Variants in CDYL observed in about 807,000 individuals in gnomAD.
The protein encoded by CDYL is chromodomain Y-like protein.
Under a neutral mutation model 47.3 loss-of-function variants are expected in CDYL, and 8 were observed. The ratio of observed to expected loss-of-function variants is 0.17; its 90% CI spans 0.10 to 0.31. The LOEUF (loss-of-function observed/expected upper bound fraction) is 0.31. CDYL is among the 10% of genes least tolerant of loss of function. The pLI is 1.00. For missense variants in CDYL, 471 were observed against 701.4 expected, an observed-to-expected ratio of 0.67 and a Z score of 3.71; for synonymous variants, 266 against 265.0, an observed-to-expected ratio of 1.00 and a Z score of -0.04.
At chr6:4,885,966 A>G (rs574833936) in intron 1 of CDYL, among the ~76,000 whole-genome samples, 1 of 152,196 alleles carries the variant, frequency 6.6e-6, no homozygotes, top group Admixed American at 6.5e-5. Flanking sequence ...TGTCTCTATA[A>G]AATGGCCCAT....
chr6:4,808,395 C>G (rs1450881970), intron 1 of CDYL, among the ~76,000 whole-genome samples: 2 of 152,184 alleles, frequency 1.3e-5, no homozygotes, highest in Non-Finnish European at 2.9e-5. Context: ...TAATTGTTAA[C>G]TCCTTTCTCC....
At chr6:4,758,030 A>AATTAAAATTTTATTAAATTTT (rs1758102770) in intron 3 of CDYL, among the ~76,000 whole-genome samples, 1 of 152,032 alleles carries the variant, frequency 6.6e-6, no homozygotes, top group Non-Finnish European at 1.5e-5. Flanking sequence ...TTTCAAACAA[A>AATTAAAATTTTATTAAATTTT]ATTAACTTTT....
intron 1 of CDYL, among the ~76,000 whole-genome samples, chr6:4,859,335 G>A (rs771652558): frequency 2.0e-5 from 3 of 151,910 alleles, no homozygotes; most frequent in Non-Finnish European, 2.9e-5. Context: ...TGGTCATTGC[G>A]GATTACTTGC....
intron 2 of CDYL, among the ~76,000 whole-genome samples, chr6:4,722,112 CA>C (rs1464489812): frequency 6.6e-6 from 1 of 152,046 alleles, no homozygotes; most frequent in African/African-American, 2.4e-5. Context: ...CTCAGCCTCC[CA>C]AAGTGTTGGG....
intron 3 of CDYL, among the ~76,000 whole-genome samples, chr6:4,757,222 CATT>C (rs1324465180): frequency 6.6e-6 from 1 of 152,148 alleles, no homozygotes; most frequent in Non-Finnish European, 1.5e-5. Context: ...ATGAGAAAAA[CATT>C]ATTATAATGA....
In CDYL at chr6:4,892,344, C is replaced by T. The variant is rs1209217749; in HGVS notation, c.656C>T (p.Ala219Val). Residue 219 changes from alanine to valine, a missense_variant, in exon 2 of 7, where the codon GCA (alanine) becomes GTA (valine). Physicochemically the swap from Ala to Val is moderately conservative, Grantham distance 64. Coordinates refer to ENST00000397588, the MANE Select transcript of CDYL (RefSeq NM_004824.4). ...LVPQVPGPVTAAMATGLAVNG... is the reference protein window; with the variant it reads ...LVPQVPGPVTVAMATGLAVNG... ...CCTCAGGTGCCCGGCCCTGTGACTGCAGCCATGGCCACAGGCTTAGCTGTT... is the reference window on the plus strand; with the variant it reads ...CCTCAGGTGCCCGGCCCTGTGACTGTAGCCATGGCCACAGGCTTAGCTGTT... The T allele has an allele frequency of 1.2e-6, 2 of 1,613,240 alleles. No homozygotes were observed. Among genetic ancestry groups the T allele is most frequent in the South Asian group, 1.1e-5 (1 of 90,972 alleles).
chr6:4,778,966 C>G (rs1007123659), intron 1 of CDYL, among the ~76,000 whole-genome samples: 3 of 152,100 alleles, frequency 2.0e-5, no homozygotes, highest in Non-Finnish European at 2.9e-5. Flanking sequence ...TCAGTGTTTC[C>G]CTTATAGAGC....
In CDYL at chr6:4,952,409, T is replaced by A. The variant is rs1399389345; in HGVS notation, c.1476T>A (p.Val492=). 2 of 1,610,258 alleles carry A rather than the reference T, an allele frequency of 1.2e-6. No homozygotes were observed. Among genetic ancestry groups the A allele is most frequent in the African/African-American group, 2.7e-5 (2 of 74,726 alleles). Residue 492 remains valine (V), a splice_region_variant and synonymous_variant, in exon 6 of 7, where the codon GTT becomes GTA. Transcript: ENST00000397588. The part of the protein sequence containing the change: ...RIKELASCNP[V]VLEESKALVR... ...AGGAGCTTGCCTCGTGCAATCCAGT[T>A]GTATGTCTAATTGCTTCTGTTACAC...
At chr6:4,947,017 C>A (rs1264505519) in intron 5 of CDYL, among the ~76,000 whole-genome samples, 3 of 152,190 alleles carry the variant, frequency 2.0e-5, no homozygotes, top group Non-Finnish European at 4.4e-5. Flanking sequence ...AGAGCCCCCA[C>A]GTCAGTGAAT....
At chr6:4,747,044 C>G (rs937407916) in intron 3 of CDYL, among the ~76,000 whole-genome samples, 1 of 152,178 alleles carries the variant, frequency 6.6e-6, no homozygotes, top group Admixed American at 6.5e-5. Flanking sequence ...CACAGTGGCT[C>G]ACGCCTGTAA....
intron 4 of CDYL, 118 bp from the exon 5 acceptor site, chr6:4,943,428 T>C: frequency 1.4e-6 from 1 of 733,562 alleles, no homozygotes; most frequent in South Asian, 1.8e-5. Context: ...TAAACAAATC[T>C]CAAGTCTTCA....
chr6:4,877,609 A>G (rs1295763529), intron 1 of CDYL, among the ~76,000 whole-genome samples: 2 of 152,220 alleles, frequency 1.3e-5, no homozygotes, highest in Non-Finnish European at 2.9e-5. Context: ...GGATCTTTGT[A>G]ATCAAAAATC....
Position 4,891,881 on chromosome 6 carries a change from G to A in CDYL, c.193G>A (p.Glu65Lys). The A allele has an allele frequency of 6.2e-7, 1 of 1,614,128 alleles. No individual in the cohort carries two copies. Among genetic ancestry groups the A allele is most frequent in the Non-Finnish European group, 8.5e-7 (1 of 1,180,032 alleles). Residue 65 changes from glutamate (E) to lysine (K), a missense_variant, in exon 2 of 7, where the codon GAG becomes AAG. By Grantham distance (56) the Glu-to-Lys change is moderately conservative. Around this residue, in one of 3 missense-constraint regions of CDYL, gnomAD observed 311 missense variants for 350.0 expected, o/e 0.89. Transcript: ENST00000397588. Reference sequence around the variant, plus strand: ...CAGACGCCACACGGAGAAGCAGAAGGAGAGCACATTGACCAGAACAAACAG... The same window carrying A: ...CAGACGCCACACGGAGAAGCAGAAGAAGAGCACATTGACCAGAACAAACAG... ...FNRRHTEKQK[E>K]STLTRTNRTS...
At chr6:4,908,431 T>G (rs1757304683) in intron 2 of CDYL, among the ~76,000 whole-genome samples, 1 of 152,152 alleles carries the variant, frequency 6.6e-6, no homozygotes, top group Admixed American at 6.5e-5. Flanking sequence ...AGCTGGAGGT[T>G]TGTTTTAGAA....
intron 1 of CDYL, among the ~76,000 whole-genome samples, chr6:4,872,472 C>G (rs531155824): frequency 6.6e-6 from 1 of 152,124 alleles, no homozygotes; most frequent in African/African-American, 2.4e-5. Flanking sequence ...ACCTCCGCCT[C>G]CCAGGTTCAA....
At chr6:4,723,549 G>A (rs1757414908) in intron 2 of CDYL, among the ~76,000 whole-genome samples, 1 of 152,186 alleles carries the variant, frequency 6.6e-6, no homozygotes, top group Non-Finnish European at 1.5e-5. Context: ...AAAAGGCAGA[G>A]GAGGCTGTCC....
intron 1 of CDYL, among the ~76,000 whole-genome samples, chr6:4,857,992 A>ACCCGCC (rs1761057832): frequency 7.2e-6 from 1 of 138,082 alleles, no homozygotes; most frequent in Admixed American, 7.3e-5. Context: ...AGGTTTTTCT[A>ACCCGCC]CCCGCCCCCG....
At position 4,734,949 on chromosome 6, in the gene CDYL, G is replaced by A. The variant is rs1426347991; in HGVS notation, c.186+105G>A. The A allele has an allele frequency of 1.0e-5, 15 of 1,505,736 alleles. No homozygotes were observed. The East Asian group carries it at 1.9e-4, about 19-fold the overall frequency. The allele number at this position is 1,505,736 out of a possible 1,614,324, so 93.3% of individuals were successfully genotyped here. ...CACTCTCCCTTTACATCTGTCCTGT[G>A]CTTGGGTCCCTTTGGTGGTCTGGTG... On this transcript the variant is annotated intron_variant, in intron 3 of 8. Coordinates refer to the CDYL transcript ENST00000328908.
chr6:4,894,883 G>GTACGTGTGTATATACACACATGTGTA (rs1762158029), intron 2 of CDYL, among the ~76,000 whole-genome samples: 2 of 146,180 alleles, frequency 1.4e-5, no homozygotes, highest in African/African-American at 5.4e-5. Context: ...ACATGTGTAT[G>GTACGTGTGTATATACACACATGTGTA]TGTGTGTATA....
Sources: gnomAD v4.1 joint callset for allele counts (sites outside exome capture counted in the v4.1 genomes callset) on GRCh38, gnomAD v4.1.1 for gene constraint, gnomAD v4.1.1 regional missense constraint, MANE v1.5 for transcripts, NCBI Gene and HGNC (gene_info 2026-07-23, HGNC 2026-07-21) for gene names.